RPSA2: variants seen among roughly 807,000 people sequenced by gnomAD.
RPSA2 encodes ribosomal protein SA 2.
chr19:23,764,090 A>G, the RPSA2 span, among the ~76,000 whole-genome samples: 3 of 152,034 alleles, frequency 2.0e-5, no homozygotes, highest in Non-Finnish European at 4.4e-5. Flanking sequence ...TAAGATATAA[A>G]CTCGAGTTAG....
At chr19:23,811,112 A>AG in the RPSA2 span, among the ~76,000 whole-genome samples, 1 of 149,062 alleles carries the variant, frequency 6.7e-6, no homozygotes, top group Admixed American at 6.8e-5. Flanking sequence ...TCCGGCTCCC[A>AG]GGTTCAAGTG....
chr19:23,759,548 G>T, the RPSA2 span, among the ~76,000 whole-genome samples: 1 of 1,096 alleles, frequency 9.1e-4, no homozygotes, highest in Admixed American at 0.028. Context: ...TTTTGAGACG[G>T]AGTCTCGCTC....
chr19:23,806,047 C>CTTTTTTTT, the RPSA2 span, among the ~76,000 whole-genome samples: 2 of 126,410 alleles, frequency 1.6e-5, no homozygotes, highest in South Asian at 2.5e-4. Context: ...TTCTTTCTTT[C>CTTTTTTTT]TTTTTTTTTT....
the RPSA2 span, among the ~76,000 whole-genome samples, chr19:23,787,128 C>T: frequency 1.3e-5 from 2 of 152,224 alleles, no homozygotes; most frequent in South Asian, 4.1e-4. Flanking sequence ...GCTTATGTGA[C>T]TCTTCTCTTC....
the RPSA2 span, among the ~76,000 whole-genome samples, chr19:23,788,160 C>T: frequency 6.6e-6 from 1 of 152,204 alleles, no homozygotes; most frequent in Non-Finnish European, 1.5e-5. Flanking sequence ...TATCTCTGGG[C>T]CCAGCACCTA....
chr19:23,814,805 A>G, the RPSA2 span, among the ~76,000 whole-genome samples: 1 of 152,120 alleles, frequency 6.6e-6, no homozygotes, highest in African/African-American at 2.4e-5. Context: ...AACACAGTGT[A>G]TAATTTTGGT....
the RPSA2 span, among the ~76,000 whole-genome samples, chr19:23,868,943 G>A: frequency 1.3e-5 from 2 of 152,138 alleles, no homozygotes; most frequent in Admixed American, 6.5e-5. Flanking sequence ...TAACCTGGGG[G>A]ACACTCAAGA....
chr19:23,766,471 A>C, the RPSA2 span, among the ~76,000 whole-genome samples: 1 of 73,334 alleles, frequency 1.4e-5, no homozygotes, highest in Non-Finnish European at 2.7e-5. Context: ...TTTTTTTTTG[A>C]GACAGAGTCT....
At chr19:23,804,916 C>T in the RPSA2 span, among the ~76,000 whole-genome samples, 1 of 151,972 alleles carries the variant, frequency 6.6e-6, no homozygotes, top group Admixed American at 6.6e-5. Context: ...TCTCATGTGA[C>T]TCTAATTTGC....
the RPSA2 span, chr19:23,833,220 C>A: frequency 8.7e-7 from 1 of 1,146,782 alleles, no homozygotes; most frequent in Admixed American, 4.3e-5. Context: ...GAAAGCAACC[C>A]TACAAATGGG....
chr19:23,792,908 A>G, the RPSA2 span, among the ~76,000 whole-genome samples: 1 of 152,186 alleles, frequency 6.6e-6, no homozygotes. Context: ...GGGAATGTTT[A>G]AATTGAGTGT....
the RPSA2 span, among the ~76,000 whole-genome samples, chr19:23,795,641 CTGTT>C: frequency 6.6e-6 from 1 of 152,054 alleles, no homozygotes. Flanking sequence ...GACTTCCTCT[CTGTT>C]TAAGTTCCTT....
chr19:23,870,638 G>A, the RPSA2 span, among the ~76,000 whole-genome samples: 2 of 152,158 alleles, frequency 1.3e-5, no homozygotes, highest in Admixed American at 1.3e-4. Context: ...ACTATCTAAA[G>A]TACCACATTA....
At chr19:23,831,018 G>A in the RPSA2 span, among the ~76,000 whole-genome samples, 11 of 152,004 alleles carry the variant, frequency 7.2e-5, no homozygotes, top group Admixed American at 7.2e-4. Flanking sequence ...AATTAACAGA[G>A]TTTACTCTTG....
the RPSA2 span, among the ~76,000 whole-genome samples, chr19:23,856,376 C>A: frequency 6.6e-6 from 1 of 151,870 alleles, no homozygotes; most frequent in African/African-American, 2.4e-5. Flanking sequence ...AATAGGGTGA[C>A]CATATTTTCC....
the RPSA2 span, among the ~76,000 whole-genome samples, chr19:23,777,844 T>TG: frequency 6.6e-6 from 1 of 152,174 alleles, no homozygotes; most frequent in Non-Finnish European, 1.5e-5. Context: ...ACCCAGGTGA[T>TG]GTAACTCTCC....
At chr19:23,780,760 G>T in the RPSA2 span, among the ~76,000 whole-genome samples, 5 of 152,332 alleles carry the variant, frequency 3.3e-5, no homozygotes, top group South Asian at 6.2e-4. Context: ...CTCAGAGCAG[G>T]TTGCAACTCT....
chr19:23,848,027 A>T, the RPSA2 span, among the ~76,000 whole-genome samples: 1 of 152,112 alleles, frequency 6.6e-6, no homozygotes, highest in Non-Finnish European at 1.5e-5. Flanking sequence ...TTCAAGGTGC[A>T]CTGATTTCGT....
the RPSA2 span, among the ~76,000 whole-genome samples, chr19:23,788,962 C>T: frequency 1.3e-5 from 2 of 151,788 alleles, no homozygotes; most frequent in Non-Finnish European, 2.9e-5. Flanking sequence ...TATCACTGGG[C>T]CCAGCACCCA....
Sources: gnomAD v4.1 joint callset for allele counts (sites outside exome capture counted in the v4.1 genomes callset) on GRCh38, gnomAD v4.1.1 for gene constraint, MANE v1.5 for transcripts, NCBI Gene and HGNC (gene_info 2026-07-23, HGNC 2026-07-21) for gene names.